The following FAM20C variants were observed in gnomAD, a reference collection of about 807,000 sequenced individuals.
FAM20C encodes the protein extracellular serine/threonine protein kinase FAM20C.
FAM20C carries 40 observed loss-of-function variants against 51.5 expected under a neutral mutation model. That is an observed-to-expected ratio of 0.78 (90% confidence interval 0.60 to 1.01). The LOEUF (loss-of-function observed/expected upper bound fraction) is 1.01. FAM20C is among the 50% of genes least tolerant of loss of function. The pLI is 0.00. For synonymous variants in FAM20C, 406 were observed against 380.6 expected (o/e 1.07, Z -0.78); for missense variants, 861 against 844.7 (o/e 1.02, Z -0.24).
In FAM20C at chr7:193,671, G is replaced by A; in HGVS notation, c.472G>A (p.Ala158Thr). The A allele has an allele frequency of 1.3e-6, 2 of 1,538,562 alleles. No homozygotes were observed. The highest frequency in any genetic ancestry group is 1.8e-6 in the Non-Finnish European group (2 of 1,142,166). Residue 158 changes from alanine to threonine, a missense_variant, in exon 1 of 10, where the codon GCC becomes ACC. Ala to Thr is a moderately conservative substitution (Grantham distance 58, BLOSUM62 0). Coordinates refer to ENST00000313766, the MANE Select transcript of FAM20C (RefSeq NM_020223.4). ...SESPPGPGGD[A>T]SLLARLFEHP... ...GTCGCCCCCCGGCCCCGGCGGAGAC[G>A]CCTCCCTCCTGGCCAGGCTGTTCGA...
intron 3 of FAM20C, among the ~76,000 whole-genome samples, chr7:223,703 G>C (rs1016625778): frequency 3.3e-5 from 5 of 152,248 alleles, no homozygotes; most frequent in Non-Finnish European, 7.3e-5. Context: ...CCCTTACGCG[G>C]ATGCCGCAGG....
chr7:196,607 G>A (rs1785886100), intron 2 of FAM20C, among the ~76,000 whole-genome samples: 1 of 152,214 alleles, frequency 6.6e-6, no homozygotes, highest in Non-Finnish European at 1.5e-5. Flanking sequence ...TGTGTGATGA[G>A]GCCAGCAGTC....
chr7:252,222 G>A (rs185008414), intron 5 of FAM20C, among the ~76,000 whole-genome samples: 2 of 151,422 alleles, frequency 1.3e-5, no homozygotes, highest in Non-Finnish European at 3.0e-5. Flanking sequence ...CCCGACCAAG[G>A]ATGCCAGGTC....
At chr7:242,735 C>T (rs970495785) in intron 3 of FAM20C, among the ~76,000 whole-genome samples, 20 of 152,328 alleles carry the variant, frequency 1.3e-4, no homozygotes, top group African/African-American at 4.1e-4. Flanking sequence ...GAGTGTCCCA[C>T]AGCCATGTGT....
chr7:254,095 C>T (rs888827630), intron 5 of FAM20C, among the ~76,000 whole-genome samples: 1 of 144,098 alleles, frequency 6.9e-6, no homozygotes, highest in African/African-American at 2.6e-5. Flanking sequence ...GGCAGGTGAT[C>T]GGGGCGTTGG....
intron 3 of FAM20C, among the ~76,000 whole-genome samples, chr7:232,005 G>A (rs774682482): frequency 3.3e-5 from 5 of 152,178 alleles, no homozygotes; most frequent in Admixed American, 6.5e-5. Context: ...CCGCCGACCC[G>A]GCATCCGTTC....
intron 3 of FAM20C, among the ~76,000 whole-genome samples, chr7:213,784 C>G (rs778157438): frequency 6.6e-6 from 1 of 152,098 alleles, no homozygotes; most frequent in Admixed American, 6.5e-5. Flanking sequence ...CCTGCGAGCT[C>G]GTTCCCGGGT....
In FAM20C at chr7:193,581, G is replaced by A. The variant is rs1437202079; in HGVS notation, c.382G>A (p.Ala128Thr). 1 of 1,497,318 alleles carries A rather than the reference G, an allele frequency of 6.7e-7. No homozygotes were observed. The highest frequency in any genetic ancestry group is 8.9e-7 in the Non-Finnish European group (1 of 1,122,336). 92.8% of individuals were successfully genotyped at this position (1,497,318 alleles called of 1,614,324 possible). Residue 128 changes from alanine (A) to threonine (T), a missense_variant, in exon 1 of 10, where the codon GCC (alanine) becomes ACC (threonine). Physicochemically the swap from Ala to Thr is moderately conservative, Grantham distance 58. This residue lies in a region of FAM20C where 561 missense variants were observed against 499.8 expected (regional missense o/e 1.12). Transcript: ENST00000313766. ...ERALRGRDPGALRPHDPAHRP... is the reference protein window; with the variant it reads ...ERALRGRDPGTLRPHDPAHRP... ...CGCCTTGCGGGGGCGGGATCCCGGCGCCCTAAGACCCCACGACCCCGCGCA... is the reference window on the plus strand; with the variant it reads ...CGCCTTGCGGGGGCGGGATCCCGGCACCCTAAGACCCCACGACCCCGCGCA...
chr7:246,147 A>ACGGGCCTGCACTGCTCTG (rs1475076221), intron 3 of FAM20C: 1 of 349,786 alleles, frequency 2.9e-6, no homozygotes, highest in African/African-American at 2.3e-5. Flanking sequence ...CCTCCGTCGC[A>ACGGGCCTGCACTGCTCTG]AGGGCCTGCG....
intron 9 of FAM20C, 130 bp from the exon 10 acceptor site, chr7:259,601 T>A: frequency 8.5e-7 from 1 of 1,178,860 alleles, no homozygotes; most frequent in East Asian, 2.7e-5. Flanking sequence ...TTTCTCTCTG[T>A]CTCTGTCCCC....
chr7:236,468 G>A lies in FAM20C; in HGVS notation c.864-9947G>A, dbSNP rs899258975. The stretch of plus-strand genomic sequence containing the variant: ...GCCTCCTGCTGTCACCAGTAGACCC[G>A]ATCTTCTCAGGCGTTTACTGGCTGC... On this transcript the variant is annotated intron_variant, in intron 3 of 9. Transcript: ENST00000313766. 1.2e-4 allele frequency among the ~76,000 whole-genome samples: 19 copies of A among 152,280 alleles called. No homozygotes were observed. In the East Asian group the frequency reaches 3.5e-3, roughly 28 times the overall value.
chr7:210,616 C>T (rs1276147545), intron 3 of FAM20C, among the ~76,000 whole-genome samples: 1 of 152,108 alleles, frequency 6.6e-6, no homozygotes, highest in Non-Finnish European at 1.5e-5. Flanking sequence ...GAGCATTTTT[C>T]AGCCTCGCAA....
At chr7:206,931 C>T (rs1289462189) in intron 2 of FAM20C, among the ~76,000 whole-genome samples, 1 of 51,556 alleles carries the variant, frequency 1.9e-5, no homozygotes, top group Non-Finnish European at 3.6e-5. Flanking sequence ...GCCCCGCACA[C>T]GTGTCCACTG....
intron 3 of FAM20C, among the ~76,000 whole-genome samples, chr7:231,984 G>C (rs959260653): frequency 6.6e-6 from 1 of 152,190 alleles, no homozygotes; most frequent in African/African-American, 2.4e-5. Flanking sequence ...ATGGTTTGCT[G>C]TTGGTCTCTG....
rs545106583 is a variant in FAM20C at position 192,673 on chromosome 7, C to G, written c.-527C>G. ...CCCACCCCTTCCGCCCTTCGCCCCCCCCTTCCCCCCAGCCCCGGTCTCCCG... is the reference window on the plus strand; with the variant it reads ...CCCACCCCTTCCGCCCTTCGCCCCCGCCTTCCCCCCAGCCCCGGTCTCCCG... On this transcript the variant is annotated 5_prime_UTR_variant, in exon 1 of 10. Coordinates refer to ENST00000313766, the MANE Select transcript of FAM20C (RefSeq NM_020223.4). 6.7e-5 allele frequency among the ~76,000 whole-genome samples: 10 copies of G among 149,824 alleles called. No individual in the cohort carries two copies. The highest frequency in any genetic ancestry group is 2.1e-4 in the South Asian group (1 of 4,810).
intron 2 of FAM20C, among the ~76,000 whole-genome samples, chr7:203,736 C>T (rs768743834): frequency 2.0e-5 from 3 of 152,172 alleles, no homozygotes; most frequent in Non-Finnish European, 1.5e-5. Context: ...CAGCTGAGCA[C>T]AGGGGCCAGG....
intron 2 of FAM20C, among the ~76,000 whole-genome samples, chr7:204,905 G>A (rs544062987): frequency 1.3e-5 from 2 of 152,336 alleles, no homozygotes; most frequent in East Asian, 3.9e-4. Flanking sequence ...CACTGCCGCT[G>A]TTCTCGGTGC....
rs150019266 is a variant in FAM20C at position 246,626 on chromosome 7, G to A, written c.956+119G>A. ...TCGTCACCTTCGTCACCATCAGGCA[G>A]CGCCGGTGCCTGCTCTCCCCCCACC... is the stretch of plus-strand genomic sequence containing the variant. On this transcript the variant is annotated intron_variant, in intron 4 of 9. Coordinates refer to ENST00000313766, the MANE Select transcript of FAM20C (RefSeq NM_020223.4). 2.5e-3 allele frequency: 1,155 copies of A among 467,786 alleles called. 46 individuals carry two copies. In the African/African-American group the frequency reaches 0.029, roughly 12 times the overall value. The allele number at this position is 467,786 out of a possible 1,614,324, so 29.0% of individuals were successfully genotyped here.
intron 3 of FAM20C, among the ~76,000 whole-genome samples, chr7:236,849 G>A (rs908079799): frequency 6.6e-6 from 1 of 152,082 alleles, no homozygotes; most frequent in Non-Finnish European, 1.5e-5. Context: ...GGTGAGGCGG[G>A]TGCCCTGGAA....
Sources: gnomAD v4.1 joint callset for allele counts (sites outside exome capture counted in the v4.1 genomes callset) on GRCh38, gnomAD v4.1.1 for gene constraint, gnomAD v4.1.1 regional missense constraint, MANE v1.5 for transcripts, NCBI Gene and HGNC (gene_info 2026-07-23, HGNC 2026-07-21) for gene names.